The following PCDHA7 variants were observed in gnomAD, a reference collection of about 807,000 sequenced individuals.
The protein encoded by PCDHA7 is protocadherin alpha-7.
PCDHA7 carries 37 observed loss-of-function variants against 57.2 expected under a neutral mutation model. The ratio of observed to expected loss-of-function variants is 0.65; its 90% CI spans 0.50 to 0.85. The LOEUF (loss-of-function observed/expected upper bound fraction) is 0.85. Among genes scored for constraint, PCDHA7 ranks in the 40% least tolerant of loss-of-function variants. The pLI is 0.00. For synonymous variants in PCDHA7, 553 were observed against 558.8 expected (o/e 0.99, Z 0.15); for missense variants, 1,188 against 1,241.8 (o/e 0.96, Z 0.65).
intron 1 of PCDHA7, among the ~76,000 whole-genome samples, chr5:140,922,606 T>C (rs1394298971): frequency 2.6e-5 from 4 of 152,176 alleles, no homozygotes; most frequent in African/African-American, 9.7e-5. Context: ...GTTGAAGATA[T>C]ATTAAAACTA....
chr5:140,984,042 T>C (rs2097082521), intron 3 of PCDHA7, among the ~76,000 whole-genome samples: 1 of 152,148 alleles, frequency 6.6e-6, no homozygotes, highest in Non-Finnish European at 1.5e-5. Flanking sequence ...ATAAAATAGT[T>C]CATTGACAAA....
chr5:140,850,803 A>C, intron 1 of PCDHA7: 1 of 1,598,380 alleles, frequency 6.3e-7, no homozygotes, highest in African/African-American at 1.3e-5. Flanking sequence ...GACCGACCTC[A>C]TGGCCTTCAG....
chr5:140,939,789 A>G (rs1259994967), intron 1 of PCDHA7, among the ~76,000 whole-genome samples: 1 of 152,246 alleles, frequency 6.6e-6, no homozygotes, highest in Non-Finnish European at 1.5e-5. Context: ...GTCAATTTCT[A>G]TAAATGTTCT....
At chr5:140,882,217 A>C in intron 1 of PCDHA7, 1 of 1,542,972 alleles carries the variant, frequency 6.5e-7, no homozygotes, top group Non-Finnish European at 8.7e-7. Context: ...AGACAGTTTG[A>C]GGTAAGGCGT....
rs1554169929 is a variant in PCDHA7 at position 140,877,625 on chromosome 5, A to G, written c.2355+40887A>G. On this transcript the variant is annotated intron_variant, in intron 1 of 3. Coordinates refer to ENST00000525929, the MANE Select transcript of PCDHA7 (RefSeq NM_018910.3). ...CTGCTGGTGCTCACGCTGCTGCTGT[A>G]CACTGCGCTGCGTTGCTCAGCGCCG... 6.2e-7 allele frequency: 1 copy of G among 1,613,774 alleles called. No individual in the cohort carries two copies. Among genetic ancestry groups the G allele is most frequent in the Non-Finnish European group, 8.5e-7 (1 of 1,179,852 alleles).
At chr5:140,843,828 T>G (rs1779111398) in intron 1 of PCDHA7, 1 of 1,176,020 alleles carries the variant, frequency 8.5e-7, no homozygotes, top group South Asian at 1.5e-5. Context: ...ATTTAAACAT[T>G]GTTTAGTTTT....
intron 1 of PCDHA7, chr5:140,837,289 A>G (rs1775001022): frequency 6.6e-6 from 1 of 152,010 alleles, no homozygotes; most frequent in Non-Finnish European, 1.5e-5. Flanking sequence ...TTTTTAACTT[A>G]CTTTGTTGAG....
At chr5:140,966,805 T>G in intron 1 of PCDHA7, 1 of 1,545,566 alleles carries the variant, frequency 6.5e-7, no homozygotes, top group East Asian at 2.4e-5. Context: ...CGACAGAGCA[T>G]CCACGGCTCC....
At chr5:140,894,223 T>C (rs2064371572) in intron 1 of PCDHA7, among the ~76,000 whole-genome samples, 1 of 152,124 alleles carries the variant, frequency 6.6e-6, no homozygotes. Context: ...ATTTTAAAGA[T>C]GTTGAATGAC....
chr5:140,966,848 C>G, intron 1 of PCDHA7: 1 of 1,571,846 alleles, frequency 6.4e-7, no homozygotes, highest in Non-Finnish European at 8.6e-7. Context: ...GCTACTGCCT[C>G]TCCTGCTGCT....
chr5:140,959,293 C>G (rs1554223990), intron 1 of PCDHA7, among the ~76,000 whole-genome samples: 1 of 152,088 alleles, frequency 6.6e-6, no homozygotes, highest in African/African-American at 2.4e-5. Context: ...GGGAGCATCA[C>G]TGAGCCCGGT....
intron 1 of PCDHA7, chr5:140,877,160 C>G: frequency 6.2e-7 from 1 of 1,613,814 alleles, no homozygotes; most frequent in Non-Finnish European, 8.5e-7. Flanking sequence ...GACAACGCGC[C>G]GGCACTGCTG....
At chr5:140,849,688 T>C in intron 1 of PCDHA7, 3 of 1,598,706 alleles carry the variant, frequency 1.9e-6, no homozygotes, top group Non-Finnish European at 2.6e-6. Flanking sequence ...TTCAAGCTGG[T>C]GTCCACCTAC....
In PCDHA7 at chr5:141,010,888, T is replaced by C. The variant is rs1419215366; in HGVS notation, c.*951T>C. The stretch of plus-strand genomic sequence containing the variant: ...AGCTATAAATCTTTAAAGAGAAATA[T>C]GAATACAATTCCCCTAAACTCTCCT... On this transcript the variant is annotated 3_prime_UTR_variant, in exon 4 of 4. Transcript: ENST00000525929. The C allele has an allele frequency of 3.9e-5, 6 of 153,866 alleles. 1 individual carries two copies. The highest frequency in any genetic ancestry group is 1.4e-4 in the African/African-American group (6 of 41,562). The allele number at this position is 153,866 out of a possible 1,614,324, so 9.5% of individuals were successfully genotyped here. A position where few individuals can be genotyped will look rare whatever the true frequency, so the allele number is the denominator to read the frequency against.
At chr5:140,875,339 T>C in intron 1 of PCDHA7, 2 of 1,441,270 alleles carry the variant, frequency 1.4e-6, no homozygotes, top group Non-Finnish European at 1.8e-6. Flanking sequence ...TAGGATCGAC[T>C]CCATAATGAC....
chr5:140,871,156 G>C (rs200268029), intron 1 of PCDHA7: 2 of 1,613,446 alleles, frequency 1.2e-6, no homozygotes, highest in Non-Finnish European at 8.5e-7. Context: ...TTTGGCGGGC[G>C]CCGCGAGCCC....
chr5:140,932,398 T>TA (rs1472151465), intron 1 of PCDHA7, among the ~76,000 whole-genome samples: 1 of 151,960 alleles, frequency 6.6e-6, no homozygotes, highest in Non-Finnish European at 1.5e-5. Flanking sequence ...AGTTTCAACA[T>TA]ACCAATGTTA....
chr5:140,843,886 T>A, intron 1 of PCDHA7: 1 of 704,592 alleles, frequency 1.4e-6, no homozygotes, highest in Non-Finnish European at 2.3e-6. Context: ...CATAATACAG[T>A]ATTAATCATT....
At position 141,010,264 on chromosome 5, in the gene PCDHA7, G is replaced by A. The variant is rs1265692233; in HGVS notation, c.*327G>A. On this transcript the variant is annotated 3_prime_UTR_variant, in exon 4 of 4. Transcript: ENST00000525929. ...GGTTGGACTCTCTGCCCTGTGCTCC[G>A]GGGATCCTGTCTTGATGACACTTGC... The A allele has an allele frequency of 1.4e-5, 22 of 1,551,586 alleles. No individual in the cohort carries two copies. The highest frequency in any genetic ancestry group is 1.1e-4 in the South Asian group (9 of 84,060).
Sources: gnomAD v4.1 joint callset for allele counts (sites outside exome capture counted in the v4.1 genomes callset) on GRCh38, gnomAD v4.1.1 for gene constraint, MANE v1.5 for transcripts, NCBI Gene and HGNC (gene_info 2026-07-23, HGNC 2026-07-21) for gene names.